JAK2: variants seen among roughly 807,000 people sequenced by gnomAD.
JAK2 encodes the protein Janus kinase 2.
JAK2 carries 86 observed loss-of-function variants against 139.3 expected under a neutral mutation model. The ratio of observed to expected loss-of-function variants is 0.62; its 90% confidence interval spans 0.52 to 0.74. JAK2 has a LOEUF of 0.74. JAK2 is among the 30% of genes least tolerant of loss of function. The pLI, the probability that JAK2 is intolerant of heterozygous loss-of-function variation, is 0.00. For missense variants in JAK2, 1,421 were observed against 1,360.3 expected (o/e 1.04, Z -0.70); for synonymous variants, 490 against 437.7 (o/e 1.12, Z -1.49).
intron 22 of JAK2, chr9:5,098,079 A>G (rs1025856965): frequency 3.3e-5 from 5 of 152,190 alleles, no homozygotes; most frequent in Admixed American, 2.6e-4. Flanking sequence ...ATAATCTGAG[A>G]AGCCTTTGTT....
chr9:5,030,026 A>G, intron 4 of JAK2, 120 bp downstream of exon 4: 3 of 744,674 alleles, frequency 4.0e-6, no homozygotes, highest in Non-Finnish European at 4.2e-6. Flanking sequence ...GTTAGCACTC[A>G]TTTAAGATTT....
chr9:5,050,036 T>G (rs748902716), intron 5 of JAK2, among the ~76,000 whole-genome samples: 1 of 152,226 alleles, frequency 6.6e-6, no homozygotes, highest in African/African-American at 2.4e-5. Flanking sequence ...TATTTCTTTG[T>G]ATCCAACACC....
chr9:5,011,362 A>C (rs1821688813), intron 2 of JAK2, among the ~76,000 whole-genome samples: 1 of 151,872 alleles, frequency 6.6e-6, no homozygotes, highest in African/African-American at 2.4e-5. Context: ...ATTAAAAAAA[A>C]ATTTTTTTGT....
At chr9:5,067,705 A>G (rs1818663114) in intron 10 of JAK2, among the ~76,000 whole-genome samples, 1 of 152,076 alleles carries the variant, frequency 6.6e-6, no homozygotes, top group South Asian at 2.1e-4. Flanking sequence ...CTAATATGAG[A>G]GCTATGTATT....
At chr9:5,031,838 G>A (rs1200941006) in intron 4 of JAK2, among the ~76,000 whole-genome samples, 1 of 152,258 alleles carries the variant, frequency 6.6e-6, no homozygotes, top group Admixed American at 6.5e-5. Flanking sequence ...GGGCGATGCA[G>A]AAGACGGGTG....
At chr9:5,015,492 A>G (rs1425477142) in intron 2 of JAK2, among the ~76,000 whole-genome samples, 1 of 151,980 alleles carries the variant, frequency 6.6e-6, no homozygotes, top group East Asian at 1.9e-4. Context: ...CAAAGCAGTA[A>G]TGCTGGTTGT....
At chr9:5,034,155 T>G (rs1823384789) in intron 4 of JAK2, among the ~76,000 whole-genome samples, 1 of 152,172 alleles carries the variant, frequency 6.6e-6, no homozygotes, top group Admixed American at 6.5e-5. Context: ...GGCCATTACA[T>G]AATGGTAAAG....
chr9:5,048,764 A>T (rs549923373), intron 5 of JAK2, among the ~76,000 whole-genome samples: 18 of 152,326 alleles, frequency 1.2e-4, no homozygotes, highest in South Asian at 6.2e-4. Flanking sequence ...AAATTAGTTT[A>T]AAAAGGTTCC....
At chr9:5,111,257 C>G in intron 22 of JAK2, 2 of 510,440 alleles carry the variant, frequency 3.9e-6, no homozygotes, top group South Asian at 3.4e-5. Flanking sequence ...GAGACGCAGG[C>G]GTGCGCAGCC....
At chr9:5,021,216 G>C (rs981321496) in intron 2 of JAK2, among the ~76,000 whole-genome samples, 1 of 152,114 alleles carries the variant, frequency 6.6e-6, no homozygotes, top group African/African-American at 2.4e-5. Flanking sequence ...TCACTTCTCT[G>C]TTGAATTTCC....
At chr9:5,112,976 C>G in intron 22 of JAK2, 2 of 192,556 alleles carry the variant, frequency 1.0e-5, no homozygotes, top group Non-Finnish European at 2.1e-5. Context: ...ATTGAGCCAA[C>G]ACCGACCTGA....
intron 22 of JAK2, among the ~76,000 whole-genome samples, chr9:5,106,084 G>T (rs1312618672): frequency 6.6e-6 from 1 of 152,074 alleles, no homozygotes; most frequent in Non-Finnish European, 1.5e-5. Flanking sequence ...CAACTAAACA[G>T]CTGCACAGCA....
rs1370945002 is a variant in JAK2 at position 5,029,916 on chromosome 9, TCAGTAAAGTAAC to T, written c.350+11_350+22del. ...TACTCTACAGAATAAGGTACTTTCT[TCAGTAAAGTAAC>T]TCACTTAATGCTAAAAGGCAAAATG... On this transcript the variant is annotated intron_variant, in intron 4 of 24. Transcript: ENST00000381652. 2.5e-6 allele frequency: 4 copies of T among 1,572,408 alleles called. No homozygotes were observed. The highest frequency in any genetic ancestry group is 3.4e-6 in the Non-Finnish European group (4 of 1,165,638).
At chr9:5,055,606 T>C (rs773655088) in intron 7 of JAK2, 63 bp from the exon 8 acceptor site, 20 of 1,288,700 alleles carry the variant, frequency 1.6e-5, no homozygotes, top group Non-Finnish European at 2.2e-5. Flanking sequence ...TCTTCTTAAG[T>C]CTTGTTTTAA....
Position 5,022,251 on chromosome 9 carries a change from G to A in JAK2, c.226+38G>A. ...AAACAGCATTTTCCTTTTTATGCAT[G>A]GATTGTTTTAATTATGCTATGCTAA... On this transcript the variant is annotated intron_variant, in intron 3 of 24. Transcript: ENST00000381652. 5 of 1,418,428 alleles carry A rather than the reference G, an allele frequency of 3.5e-6. No individual in the cohort carries two copies. In the South Asian group the frequency reaches 4.6e-5, roughly 13 times the overall value. 87.9% of individuals were successfully genotyped at this position (1,418,428 alleles called of 1,614,324 possible).
At chr9:5,071,218 AACC>A (rs1818931634) in intron 12 of JAK2, among the ~76,000 whole-genome samples, 3 of 152,174 alleles carry the variant, frequency 2.0e-5, no homozygotes, top group African/African-American at 7.2e-5. Flanking sequence ...ACATACTCTT[AACC>A]TAGGCAACCC....
chr9:5,006,720 C>A (rs1422914378), intron 2 of JAK2, among the ~76,000 whole-genome samples: 2 of 152,168 alleles, frequency 1.3e-5, no homozygotes, highest in Admixed American at 6.5e-5. Flanking sequence ...ACTAGCAAAG[C>A]GTAAATCCAT....
chr9:5,042,046 C>T (rs7032785), intron 4 of JAK2: 165,784 of 293,396 alleles, frequency 0.57, 50,196 homozygotes, highest in African/African-American at 0.88. Context: ...AGCCAGGACA[C>T]AGACTGCAGG....
chr9:5,112,627 C>CA, intron 22 of JAK2: 1 of 984,258 alleles, frequency 1.0e-6, no homozygotes, highest in South Asian at 2.0e-5. Context: ...AACTGCACCT[C>CA]AACAGCGAGA....
Sources: gnomAD v4.1 joint callset for allele counts (sites outside exome capture counted in the v4.1 genomes callset) on GRCh38, gnomAD v4.1.1 for gene constraint, MANE v1.5 for transcripts, NCBI Gene and HGNC (gene_info 2026-07-23, HGNC 2026-07-21) for gene names.